UNC13C: variants seen among roughly 807,000 people sequenced by gnomAD.
UNC13C encodes the protein protein unc-13 homolog C.
Under a neutral mutation model 245.4 loss-of-function variants are expected in UNC13C, and 174 were observed. The observed-to-expected ratio is 0.71, with a 90% CI of 0.63 to 0.80. UNC13C has a LOEUF of 0.80. UNC13C is among the 30% of genes least tolerant of loss of function. The pLI is 0.00. For missense variants in UNC13C, 2,829 were observed against 2,602.9 expected, an observed-to-expected ratio of 1.09 and a Z score of -1.89; for synonymous variants, 992 against 895.1, an observed-to-expected ratio of 1.11 and a Z score of -1.93.
the UNC13C span, among the ~76,000 whole-genome samples, chr15:53,889,063 G>A: frequency 9.5e-4 from 144 of 152,228 alleles, 1 homozygote; most frequent in African/African-American, 3.4e-3. Flanking sequence ...GAAGTTTAAA[G>A]TAGTTTTTTC....
At chr15:54,402,072 A>G (rs77885493) in intron 18 of UNC13C, among the ~76,000 whole-genome samples, 8,194 of 152,010 alleles carry the variant, frequency 0.054, 425 homozygotes, top group African/African-American at 0.14. Flanking sequence ...TGTAAAAAAA[A>G]AAAAAAAAAT....
chr15:53,983,598 T>A (rs572928830), intron 1 of UNC13C, among the ~76,000 whole-genome samples: 2 of 152,206 alleles, frequency 1.3e-5, no homozygotes, highest in South Asian at 2.1e-4. Context: ...CATATTTTTT[T>A]AAATAATAAA....
intron 4 of UNC13C, among the ~76,000 whole-genome samples, chr15:54,195,383 G>A (rs910655624): frequency 6.6e-6 from 1 of 152,124 alleles, no homozygotes; most frequent in Non-Finnish European, 1.5e-5. Flanking sequence ...CTTTGCTATG[G>A]AACAAAGGCA....
At chr15:54,532,514 C>T (rs1018782113) in intron 25 of UNC13C, among the ~76,000 whole-genome samples, 1 of 152,116 alleles carries the variant, frequency 6.6e-6, no homozygotes, top group Non-Finnish European at 1.5e-5. Flanking sequence ...GGAACAACAT[C>T]ATGTCCTTTG....
chr15:54,175,508 A>ATTTTT (rs55925649), intron 4 of UNC13C, among the ~76,000 whole-genome samples: 1,352 of 105,956 alleles, frequency 0.013, 85 homozygotes, highest in African/African-American at 0.044. Context: ...TGGCCCTAGA[A>ATTTTT]TTTTTTTTTT....
At chr15:54,432,315 C>A (rs76025843) in intron 19 of UNC13C, among the ~76,000 whole-genome samples, 4,557 of 151,546 alleles carry the variant, frequency 0.03, 177 homozygotes, top group Admixed American at 0.12. Context: ...TTGAGAGGGG[C>A]ATTTTGTCAG....
intron 19 of UNC13C, among the ~76,000 whole-genome samples, chr15:54,441,202 GC>G (rs1890509502): frequency 6.6e-6 from 1 of 151,558 alleles, no homozygotes; most frequent in Non-Finnish European, 1.5e-5. Context: ...TCTTTCTATT[GC>G]TTGTGCTTTT....
At chr15:54,020,167 G>T (rs1477065643) in intron 2 of UNC13C, among the ~76,000 whole-genome samples, 1 of 151,992 alleles carries the variant, frequency 6.6e-6, no homozygotes, top group Non-Finnish European at 1.5e-5. Context: ...ACTACTAAAA[G>T]CTATGTAGCA....
intron 19 of UNC13C, among the ~76,000 whole-genome samples, chr15:54,439,469 A>G (rs1273982304): frequency 1.3e-5 from 2 of 152,030 alleles, no homozygotes; most frequent in Admixed American, 1.3e-4. Context: ...ACTTGTATAT[A>G]TTGCTCAATT....
chr15:53,963,577 T>A, the UNC13C span, among the ~76,000 whole-genome samples: 2 of 152,180 alleles, frequency 1.3e-5, no homozygotes, highest in African/African-American at 4.8e-5. Flanking sequence ...GAAATTCTGA[T>A]AAGTATTATC....
intron 25 of UNC13C, among the ~76,000 whole-genome samples, chr15:54,530,782 T>C (rs907092788): frequency 3.9e-5 from 6 of 152,134 alleles, no homozygotes; most frequent in Admixed American, 6.6e-5. Flanking sequence ...AGGAGGTCTA[T>C]TGTGGCTGGT....
At chr15:54,507,793 T>G (rs1253640737) in intron 23 of UNC13C, among the ~76,000 whole-genome samples, 1 of 151,862 alleles carries the variant, frequency 6.6e-6, no homozygotes, top group Non-Finnish European at 1.5e-5. Context: ...TTATTCAATC[T>G]GTAATATTAG....
At chr15:54,553,319 T>G (rs1266098258) in intron 28 of UNC13C, among the ~76,000 whole-genome samples, 1 of 119,998 alleles carries the variant, frequency 8.3e-6, no homozygotes, top group African/African-American at 3.2e-5. Flanking sequence ...ATATAGAATA[T>G]TATATATAAT....
chr15:54,210,237 A>AAT lies in UNC13C; in HGVS notation c.3072-24776_3072-24775dup, dbSNP rs5812750. Among the ~76,000 whole-genome samples the AAT allele has an allele frequency of 8.9e-3, 1,295 of 146,168 alleles. 6 individuals are homozygous for AAT. The highest frequency in any genetic ancestry group is 0.02 in the African/African-American group (798 of 40,150). On this transcript the variant is annotated intron_variant, in intron 4 of 32. Coordinates refer to ENST00000260323, the MANE Select transcript of UNC13C (RefSeq NM_001080534.3). The stretch of plus-strand genomic sequence containing the variant: ...ATATATATATATAGTTAACTGCATT[A>AAT]ATATATATATATATATATGGTCTAA...
chr15:54,195,236 A>T (rs2034314457), intron 4 of UNC13C, among the ~76,000 whole-genome samples: 1 of 152,154 alleles, frequency 6.6e-6, no homozygotes, highest in Non-Finnish European at 1.5e-5. Flanking sequence ...AAAAAAGCCT[A>T]CACTCTAAGA....
chr15:54,338,425 T>A lies in UNC13C; in HGVS notation c.4649T>A (p.Leu1550Gln). 6.2e-7 allele frequency: 1 copy of A among 1,613,950 alleles called. No homozygotes were observed. Among genetic ancestry groups the A allele is most frequent in the Non-Finnish European group, 8.5e-7 (1 of 1,179,842 alleles). ...GTGAAGGACTGTGTAAGGGCTTGCCTGGATTCTACATACAAGTATATTTTT... is the reference window on the plus strand; with the variant it reads ...GTGAAGGACTGTGTAAGGGCTTGCCAGGATTCTACATACAAGTATATTTTT... ...MVVKDCVRAC[L>Q]DSTYKYIFDN... Residue 1550 changes from leucine to glutamine, a missense_variant, in exon 17 of 33, where the codon CTG (leucine) becomes CAG (glutamine). Leu to Gln is a moderately radical substitution (Grantham distance 113, BLOSUM62 -2). Transcript: ENST00000260323.
intron 10 of UNC13C, among the ~76,000 whole-genome samples, chr15:54,271,565 G>T (rs1173591908): frequency 6.6e-6 from 1 of 152,148 alleles, no homozygotes; most frequent in Non-Finnish European, 1.5e-5. Flanking sequence ...TTCTTCATAT[G>T]TTGATGCTGT....
At chr15:53,895,466 G>A in the UNC13C span, among the ~76,000 whole-genome samples, 1 of 151,394 alleles carries the variant, frequency 6.6e-6, no homozygotes, top group Non-Finnish European at 1.5e-5. Flanking sequence ...TCTTAGAAGA[G>A]ATCATTGAAT....
chr15:54,371,717 TACAC>T (rs10593078), intron 17 of UNC13C, among the ~76,000 whole-genome samples: 103 of 149,602 alleles, frequency 6.9e-4, no homozygotes, highest in African/African-American at 2.0e-3. Flanking sequence ...TATATATATA[TACAC>T]ACACACACAC....
Sources: allele counts gnomAD v4.1 joint callset (sites outside exome capture counted in the v4.1 genomes callset), GRCh38; gene constraint gnomAD v4.1.1; transcripts MANE v1.5; gene names NCBI Gene and HGNC (gene_info 2026-07-23, HGNC 2026-07-21).